Variants in PPARA observed in about 807,000 individuals in gnomAD.
The protein encoded by PPARA is peroxisome proliferator-activated receptor alpha.
Under a neutral mutation model 42.2 loss-of-function variants are expected in PPARA, and 22 were observed. That is an observed-to-expected ratio of 0.52 (90% confidence interval 0.37 to 0.74). PPARA has a LOEUF of 0.74. PPARA is among the 30% of genes least tolerant of loss of function. The pLI is 0.00. For missense variants in PPARA, 465 were observed against 608.2 expected (o/e 0.76, Z 2.48); for synonymous variants, 242 against 239.3 (o/e 1.01, Z -0.10).
chr22:46,199,061 G>A (rs78961294), intron 4 of PPARA, among the ~76,000 whole-genome samples: 2,049 of 152,298 alleles, frequency 0.013, 42 homozygotes, highest in African/African-American at 0.047. Context: ...CCTGGAAGGC[G>A]CGTGTCACGG....
In PPARA at chr22:46,150,679, G is replaced by T; in HGVS notation, c.-210+27G>T. On this transcript the variant is annotated intron_variant, in intron 1 of 8. Transcript: ENST00000407236. This position sits in a 1 kb window ranked among gnomAD's most constrained non-coding sequence, Gnocchi z 7.5. ...TGCCCGGGGGCGGGCGGGCGGGCGG[G>T]CGGGAACGCGCGCGGGGGTCCGCGG... 1 of 146,312 alleles carries T rather than the reference G, an allele frequency of 6.8e-6. No homozygotes were observed. Among genetic ancestry groups the T allele is most frequent in the Admixed American group, 6.7e-5 (1 of 14,830 alleles). The allele number at this position is 146,312 out of a possible 1,614,324, so 9.1% of individuals were successfully genotyped here. A position where few individuals can be genotyped will look rare whatever the true frequency, so the allele number is the denominator to read the frequency against.
intron 4 of PPARA, among the ~76,000 whole-genome samples, chr22:46,202,778 G>T (rs993737940): frequency 6.6e-6 from 1 of 150,682 alleles, no homozygotes; most frequent in Non-Finnish European, 1.5e-5. Flanking sequence ...CAGGACAGTC[G>T]CTTGAATCCA....
rs1162565038 is a variant in PPARA at position 46,163,616 on chromosome 22, C to T, written c.-127+11646C>T. The T allele has an allele frequency of 6.6e-6, 1 of 152,262 alleles. No homozygotes were observed. The highest frequency in any genetic ancestry group is 1.5e-5 in the Non-Finnish European group (1 of 68,084). The allele number at this position is 152,262 out of a possible 1,614,324, so 9.4% of individuals were successfully genotyped here. The stretch of plus-strand genomic sequence containing the variant: ...GACAAATGCAGGCCTTTCTCGAAGC[C>T]CCTTTCCCAGGACGACGTGACATGA... On this transcript the variant is annotated intron_variant, in intron 2 of 8. Transcript: ENST00000407236. This position sits in a 1 kb window ranked among gnomAD's most constrained non-coding sequence, Gnocchi z 4.9.
At position 46,185,913 on chromosome 22, in the gene PPARA, AAAAATATATATATATAT is replaced by A. The variant is rs1569207530; in HGVS notation, c.-43+9079_-43+9095del. 4.0e-4 allele frequency among the ~76,000 whole-genome samples: 23 copies of A among 57,262 alleles called. 2 individuals are homozygous for A. The highest frequency in any genetic ancestry group is 1.9e-3 in the African/African-American group (23 of 11,870). 37.6% of individuals were successfully genotyped at this position (57,262 alleles called of 152,430 possible). ...CCGTCTCCAAAAAAAAAAAAAAAAAAAAAATATATATATATATATATATATATATATATATATATATA... is the reference window on the plus strand; with the variant it reads ...CCGTCTCCAAAAAAAAAAAAAAAAAAATATATATATATATATATATATATA... On this transcript the variant is annotated intron_variant, in intron 3 of 8. Transcript: ENST00000407236.
rs1417296026 is a variant in PPARA at position 46,242,022 on chromosome 22, GT to G, written c.*6645del. 1 of 151,412 alleles carries G rather than the reference GT, an allele frequency of 6.6e-6. No homozygotes were observed. Among genetic ancestry groups the G allele is most frequent in the Non-Finnish European group, 1.5e-5 (1 of 67,928 alleles). The allele number at this position is 151,412 out of a possible 1,614,324, so 9.4% of individuals were successfully genotyped here. A position where few individuals can be genotyped will look rare whatever the true frequency, so the allele number is the denominator to read the frequency against. On this transcript the variant is annotated 3_prime_UTR_variant, in exon 9 of 9. Coordinates refer to ENST00000407236, the MANE Select transcript of PPARA (RefSeq NM_005036.6). The surrounding 1 kb of genome is among the most constrained non-coding windows in gnomAD (Gnocchi z 6.1). ...TTTTATTTTATTTTATTTTTTTTAA[GT>G]TTGCTAGTTGGGTCAAATGTGAGGA...
rs538162879 is a variant in PPARA, at chr22:46,240,185, A to G, written c.*4805A>G. On this transcript the variant is annotated 3_prime_UTR_variant, in exon 9 of 9. Coordinates refer to ENST00000407236, the MANE Select transcript of PPARA (RefSeq NM_005036.6). This position sits in a 1 kb window ranked among gnomAD's most constrained non-coding sequence, Gnocchi z 6.0. ...AGAACATGCCCACAGCTCACCACCT[A>G]TGGATGCCATGGCTCTGGGCAGCTT... is the stretch of plus-strand genomic sequence containing the variant. 1 of 398,708 alleles carries G rather than the reference A, an allele frequency of 2.5e-6. No homozygotes were observed. The highest frequency in any genetic ancestry group is 4.4e-6 in the Non-Finnish European group (1 of 226,156). 24.7% of individuals were successfully genotyped at this position (398,708 alleles called of 1,614,324 possible).
At position 46,216,742 on chromosome 22, in the gene PPARA, G is replaced by A. The variant is rs1934530141; in HGVS notation, c.369+1409G>A. Reference sequence around the variant, plus strand: ...TAAACAGATGTGACCTGGGCCAGGAGTGCATGAAGGCAGGCCCTGTTGTCC... The same window carrying A: ...TAAACAGATGTGACCTGGGCCAGGAATGCATGAAGGCAGGCCCTGTTGTCC... On this transcript the variant is annotated intron_variant, in intron 5 of 8. Transcript: ENST00000407236. This position sits in a 1 kb window ranked among gnomAD's most constrained non-coding sequence, Gnocchi z 4.5. Among the ~76,000 whole-genome samples, 2 of 152,182 alleles carry A rather than the reference G, an allele frequency of 1.3e-5. No homozygotes were observed. Among genetic ancestry groups the A allele is most frequent in the South Asian group, 4.1e-4 (2 of 4,834 alleles).
rs1930117302 is a variant in PPARA at position 46,182,602 on chromosome 22, G to A, written c.-43+5766G>A. On this transcript the variant is annotated intron_variant, in intron 3 of 8. Transcript: ENST00000407236. This position sits in a 1 kb window ranked among gnomAD's most constrained non-coding sequence, Gnocchi z 5.2. ...ATGGGCACAGGAGAGCTTTGAGGAT[G>A]ATGGGTCTGCGTACTGTCTCGGCTA... 6.6e-6 allele frequency among the ~76,000 whole-genome samples: 1 copy of A among 152,212 alleles called. No homozygotes were observed. The highest frequency in any genetic ancestry group is 1.5e-5 in the Non-Finnish European group (1 of 68,040).
At position 46,241,904 on chromosome 22, in the gene PPARA, G is replaced by A. The variant is rs1373613714; in HGVS notation, c.*6524G>A. 7.7e-6 allele frequency: 1 copy of A among 129,594 alleles called. No homozygotes were observed. Among genetic ancestry groups the A allele is most frequent in the Non-Finnish European group, 1.5e-5 (1 of 64,930 alleles). 8.0% of individuals were successfully genotyped at this position (129,594 alleles called of 1,614,324 possible). ...TTGAGTGGTCTCATGGCTGTTAGAT[G>A]GATTATTTGAAAAAAAAAAAAAAAA... On this transcript the variant is annotated 3_prime_UTR_variant, in exon 9 of 9. Coordinates refer to ENST00000407236, the MANE Select transcript of PPARA (RefSeq NM_005036.6). The surrounding 1 kb of genome is among the most constrained non-coding windows in gnomAD (Gnocchi z 5.7).
intron 4 of PPARA, among the ~76,000 whole-genome samples, chr22:46,205,421 T>C (rs1436597714): frequency 1.4e-5 from 2 of 147,228 alleles, no homozygotes; most frequent in Admixed American, 1.4e-4. Flanking sequence ...GGTTTCGCCA[T>C]GTTGCCCAGG....
intron 3 of PPARA, among the ~76,000 whole-genome samples, chr22:46,189,501 G>A (rs1931249935): frequency 6.6e-6 from 1 of 152,160 alleles, no homozygotes; most frequent in Admixed American, 6.6e-5. Flanking sequence ...AGATCTAGAT[G>A]TATCTAGTTA....
intron 2 of PPARA, chr22:46,155,960 T>G (rs1486697367): frequency 1.3e-5 from 2 of 152,256 alleles, no homozygotes; most frequent in Non-Finnish European, 2.9e-5. Flanking sequence ...CTCAGAGGTG[T>G]GTGCATTCTT....
rs577726406 is a variant in PPARA at position 46,230,798 on chromosome 22, G to A, written c.712-994G>A. Among the ~76,000 whole-genome samples the A allele has an allele frequency of 2.0e-5, 3 of 152,256 alleles. No individual in the cohort carries two copies. Among genetic ancestry groups the A allele is most frequent in the Admixed American group, 6.5e-5 (1 of 15,288 alleles). On this transcript the variant is annotated intron_variant, in intron 7 of 8. Transcript: ENST00000407236. This position sits in a 1 kb window ranked among gnomAD's most constrained non-coding sequence, Gnocchi z 5.0. ...CTTTATCCCTAAAGAGTTTCACAACGCTTGTTTGCCGATTTCTACATAGAT... is the reference window on the plus strand; with the variant it reads ...CTTTATCCCTAAAGAGTTTCACAACACTTGTTTGCCGATTTCTACATAGAT...
rs1926135927 is a variant in PPARA, at chr22:46,161,359, C to T, written c.-127+9389C>T. Among the ~76,000 whole-genome samples the T allele has an allele frequency of 6.6e-6, 1 of 152,082 alleles. No individual in the cohort carries two copies. Among genetic ancestry groups the T allele is most frequent in the Non-Finnish European group, 1.5e-5 (1 of 68,012 alleles). On this transcript the variant is annotated intron_variant, in intron 2 of 8. Transcript: ENST00000407236. This position sits in a 1 kb window ranked among gnomAD's most constrained non-coding sequence, Gnocchi z 4.8. ...GAAGGAACAATTAAAAATTAGAATT[C>T]AGGTGAGTGGATCACGAGGTCAAGA...
rs1178164432 is a variant in PPARA at position 46,203,073 on chromosome 22, T to TC, written c.208+4487dup. ...AGCGGGTGATAACCCATTTCTTATT[T>TC]CCCCCTCAGCATTTCCTCACTGTTA... On this transcript the variant is annotated intron_variant, in intron 4 of 8. Transcript: ENST00000407236. This position sits in a 1 kb window ranked among gnomAD's most constrained non-coding sequence, Gnocchi z 5.8. Among the ~76,000 whole-genome samples, 1 of 152,096 alleles carries TC rather than the reference T, an allele frequency of 6.6e-6. No homozygotes were observed. Among genetic ancestry groups the TC allele is most frequent in the Non-Finnish European group, 1.5e-5 (1 of 68,024 alleles).
Position 46,217,825 on chromosome 22 carries a change from T to C in PPARA, c.370-438T>C, listed in dbSNP as rs1207048758. 6.9e-3 allele frequency among the ~76,000 whole-genome samples: 589 copies of C among 85,654 alleles called. 3 individuals are homozygous for C. The highest frequency in any genetic ancestry group is 0.021 in the African/African-American group (569 of 27,030). 56.2% of individuals were successfully genotyped at this position (85,654 alleles called of 152,430 possible). ...TTAGAAGAACTATTTCTTTCTTTTT[T>C]TTTTTTTTTTTTTTTTTTTTTTTGA... On this transcript the variant is annotated intron_variant, in intron 5 of 8. Transcript: ENST00000407236.
chr22:46,192,666 A>T lies in PPARA; in HGVS notation c.-42-5676A>T, dbSNP rs146746086. The stretch of plus-strand genomic sequence containing the variant: ...AAATTGGAAGGGAAATGTCAAAAAG[A>T]TACCTGCACTCTTGTTTGTTGCAAC... On this transcript the variant is annotated intron_variant, in intron 3 of 8. Transcript: ENST00000407236. The surrounding 1 kb of genome is among the most constrained non-coding windows in gnomAD (Gnocchi z 4.3). Among the ~76,000 whole-genome samples the T allele has an allele frequency of 1.2e-3, 181 of 152,352 alleles. No homozygotes were observed. The highest frequency in any genetic ancestry group is 4.2e-3 in the African/African-American group (174 of 41,582).
At chr22:46,199,883 G>A (rs1041632169) in intron 4 of PPARA, among the ~76,000 whole-genome samples, 17 of 151,830 alleles carry the variant, frequency 1.1e-4, no homozygotes, top group African/African-American at 2.7e-4. Context: ...TCACCATGCC[G>A]GGCTAATTTT....
chr22:46,226,240 C>G (rs559493075), intron 7 of PPARA, among the ~76,000 whole-genome samples: 1 of 152,290 alleles, frequency 6.6e-6, no homozygotes, highest in East Asian at 1.9e-4. Context: ...CACACACATG[C>G]TCACACACAC....
Sources: gnomAD v4.1 joint callset for allele counts (sites outside exome capture counted in the v4.1 genomes callset) on GRCh38, gnomAD v4.1.1 for gene constraint, Gnocchi (gnomAD v3.1) non-coding constraint, MANE v1.5 for transcripts, NCBI Gene and HGNC (gene_info 2026-07-23, HGNC 2026-07-21) for gene names.